ARHGAP28: variants seen among roughly 807,000 people sequenced by gnomAD.
ARHGAP28 encodes the protein Rho GTPase activating protein 28.
In ARHGAP28, 56 loss-of-function variants were observed where a neutral mutation model predicts 90.7. The observed-to-expected ratio is 0.62, with a 90% CI of 0.50 to 0.77. The LOEUF is 0.77. Among genes scored for constraint, ARHGAP28 ranks in the 30% least tolerant of loss-of-function variants. The probability of loss-of-function intolerance (pLI) is 0.00; values close to 1 mark genes in which losing one functional copy is unlikely to be tolerated. For missense variants in ARHGAP28, 869 were observed against 900.9 expected, an observed-to-expected ratio of 0.96 and a Z score of 0.45; for synonymous variants, 308 against 323.3, an observed-to-expected ratio of 0.95 and a Z score of 0.51.
intron 17 of ARHGAP28, among the ~76,000 whole-genome samples, chr18:6,910,957 G>C (rs896782887): frequency 2.0e-5 from 3 of 151,814 alleles, no homozygotes; most frequent in Non-Finnish European, 4.4e-5. Flanking sequence ...CCATTCTCCT[G>C]CCTCAGCCTC....
At chr18:6,805,563 G>A (rs2056512729) in intron 1 of ARHGAP28, among the ~76,000 whole-genome samples, 1 of 133,392 alleles carries the variant, frequency 7.5e-6, no homozygotes, top group East Asian at 2.2e-4. Context: ...TCAGCTCACT[G>A]CAACCTCTGC....
At chr18:6,904,388 C>T (rs560302384) in intron 16 of ARHGAP28, among the ~76,000 whole-genome samples, 8 of 151,930 alleles carry the variant, frequency 5.3e-5, no homozygotes, top group African/African-American at 7.2e-5. Context: ...AGTGAGACTC[C>T]GTCTCAAAAA....
Position 6,898,557 on chromosome 18 carries a change from C to T in ARHGAP28, c.2030+1931C>T, listed in dbSNP as rs753877693. Reference sequence around the variant, plus strand: ...ACATGTATTCCTCTTCACTATTGGCCTGGACATCTCCACATAGGCAGTCAT... The same window carrying T: ...ACATGTATTCCTCTTCACTATTGGCTTGGACATCTCCACATAGGCAGTCAT... On this transcript the variant is annotated intron_variant, in intron 16 of 17. Coordinates refer to ENST00000383472, the MANE Select transcript of ARHGAP28 (RefSeq NM_001366230.1). 5 of 1,613,170 alleles carry T rather than the reference C, an allele frequency of 3.1e-6. No homozygotes were observed. In the East Asian group the frequency reaches 1.1e-4, roughly 36 times the overall value.
intron 1 of ARHGAP28, among the ~76,000 whole-genome samples, chr18:6,783,303 C>CTT (rs1272954141): frequency 7.1e-6 from 1 of 140,894 alleles, no homozygotes; most frequent in Non-Finnish European, 1.6e-5. Context: ...AGGGTATTTA[C>CTT]TTTTTTTTTT....
Position 6,837,393 on chromosome 18 carries a change from T to G in ARHGAP28, c.522T>G (p.Ile174Met). Residue 174 changes from isoleucine (I) to methionine (M), a missense_variant, in exon 3 of 18, where the codon ATT (isoleucine) becomes ATG (methionine). By Grantham distance (10) the Ile-to-Met change is conservative (BLOSUM62 1). Coordinates refer to ENST00000383472, the MANE Select transcript of ARHGAP28 (RefSeq NM_001366230.1). ...AATCTATCAGGGATGTCAGAGACATTTTTGGAGTCAGTGAATCTCCTGTAA... is the reference window on the plus strand; with the variant it reads ...AATCTATCAGGGATGTCAGAGACATGTTTGGAGTCAGTGAATCTCCTGTAA... ...DKQSIRDVRD[I>M]FGVSESPPRD... 1 of 1,613,786 alleles carries G rather than the reference T, an allele frequency of 6.2e-7. No homozygotes were observed. The highest frequency in any genetic ancestry group is 8.5e-7 in the Non-Finnish European group (1 of 1,179,940).
intron 4 of ARHGAP28, among the ~76,000 whole-genome samples, chr18:6,851,903 G>A (rs1164419970): frequency 6.6e-6 from 1 of 151,964 alleles, no homozygotes; most frequent in African/African-American, 2.4e-5. Context: ...GTGAGGAGGG[G>A]AGAGAACGAG....
At chr18:6,867,500 G>T (rs568406846) in intron 5 of ARHGAP28, among the ~76,000 whole-genome samples, 1 of 152,190 alleles carries the variant, frequency 6.6e-6, no homozygotes, top group South Asian at 2.1e-4. Flanking sequence ...TCCAGACCTA[G>T]GCAGGAGTTT....
chr18:6,898,373 A>C, intron 16 of ARHGAP28: 1 of 738,580 alleles, frequency 1.4e-6, no homozygotes, highest in Non-Finnish European at 2.2e-6. Flanking sequence ...TGACTTGTAC[A>C]TTTTATATAT....
At chr18:6,839,579 G>A (rs971181702) in intron 3 of ARHGAP28, among the ~76,000 whole-genome samples, 2 of 152,178 alleles carry the variant, frequency 1.3e-5, no homozygotes, top group Admixed American at 6.5e-5. Flanking sequence ...TTACAGGCGT[G>A]AGCCACTGCG....
At chr18:6,786,345 G>T (rs1258800547) in intron 1 of ARHGAP28, among the ~76,000 whole-genome samples, 1 of 152,036 alleles carries the variant, frequency 6.6e-6, no homozygotes, top group African/African-American at 2.4e-5. Flanking sequence ...AAAATTAAGA[G>T]AATTTTCCTA....
chr18:6,890,128 T>A (rs1369324363), intron 13 of ARHGAP28, 43 bp downstream of exon 13: 1 of 1,605,024 alleles, frequency 6.2e-7, no homozygotes, highest in Admixed American at 1.7e-5. Context: ...GAAGTCCATG[T>A]CCCCAGGAAA....
At chr18:6,798,935 G>A (rs1016502465) in intron 1 of ARHGAP28, among the ~76,000 whole-genome samples, 1 of 152,190 alleles carries the variant, frequency 6.6e-6, no homozygotes, top group African/African-American at 2.4e-5. Context: ...GACAGACTGA[G>A]GGATGTCAAA....
chr18:6,772,257 T>A (rs192415463), intron 1 of ARHGAP28, among the ~76,000 whole-genome samples: 30 of 152,318 alleles, frequency 2.0e-4, no homozygotes, highest in African/African-American at 7.0e-4. Context: ...TTAACCATCT[T>A]AATAGTATGT....
chr18:6,843,012 A>G (rs1176916206), intron 3 of ARHGAP28, among the ~76,000 whole-genome samples: 1 of 152,362 alleles, frequency 6.6e-6, no homozygotes, highest in Non-Finnish European at 1.5e-5. Flanking sequence ...AAAGACATGT[A>G]CATATGGTAT....
At chr18:6,896,822 TCAA>T in intron 16 of ARHGAP28, 196 bp downstream of exon 16, 1 of 540,652 alleles carries the variant, frequency 1.8e-6, no homozygotes, top group Non-Finnish European at 3.1e-6. Flanking sequence ...AAGTTGTTTT[TCAA>T]AGGAATTTCT....
At chr18:6,871,223 C>T (rs1320769863) in intron 7 of ARHGAP28, among the ~76,000 whole-genome samples, 1 of 152,226 alleles carries the variant, frequency 6.6e-6, no homozygotes, top group Non-Finnish European at 1.5e-5. Context: ...CACAGCCTGC[C>T]TGGCTGTACC....
chr18:6,872,737 G>A (rs2143543562), intron 7 of ARHGAP28, among the ~76,000 whole-genome samples: 1 of 152,240 alleles, frequency 6.6e-6, no homozygotes, highest in South Asian at 2.1e-4. Context: ...TTGTTTTAGT[G>A]TCTTTTGTTT....
chr18:6,730,568 G>A (rs958793572), intron 1 of ARHGAP28, among the ~76,000 whole-genome samples: 1 of 152,152 alleles, frequency 6.6e-6, no homozygotes, highest in African/African-American at 2.4e-5. Flanking sequence ...TTGGTCAAAA[G>A]AAGTCTATAA....
chr18:6,829,698 A>G (rs1216251805), intron 2 of ARHGAP28, among the ~76,000 whole-genome samples: 1 of 152,106 alleles, frequency 6.6e-6, no homozygotes, highest in Non-Finnish European at 1.5e-5. Context: ...AGAGACAACC[A>G]TGGCTCCCAT....
Sources: allele counts gnomAD v4.1 joint callset (sites outside exome capture counted in the v4.1 genomes callset), GRCh38; gene constraint gnomAD v4.1.1; transcripts MANE v1.5; gene names NCBI Gene and HGNC (gene_info 2026-07-23, HGNC 2026-07-21).